The following HTT-AS variants were observed in gnomAD, a reference collection of about 807,000 sequenced individuals.
HTT-AS encodes HTT antisense RNA.
intron 2 of HTT-AS, among the ~76,000 whole-genome samples, chr4:3,051,334 G>A (rs946666755): frequency 5.3e-5 from 8 of 152,018 alleles, no homozygotes; most frequent in Admixed American, 2.0e-4. Flanking sequence ...CAAAGTGCTG[G>A]GATTATAGGT....
At chr4:3,071,050 T>G (rs1012129676) in intron 1 of HTT-AS, among the ~76,000 whole-genome samples, 1 of 152,218 alleles carries the variant, frequency 6.6e-6, no homozygotes, top group African/African-American at 2.4e-5. Context: ...GTCAGGATGA[T>G]AGTCAATTCT....
chr4:3,072,592 A>C (rs1372067953), intron 1 of HTT-AS, among the ~76,000 whole-genome samples: 1 of 152,194 alleles, frequency 6.6e-6, no homozygotes, highest in Non-Finnish European at 1.5e-5. Context: ...GACACAGTGG[A>C]CAAAGGCCCT....
chr4:3,065,240 T>G (rs566792689), intron 1 of HTT-AS, among the ~76,000 whole-genome samples: 2 of 151,312 alleles, frequency 1.3e-5, no homozygotes, highest in East Asian at 3.9e-4. Context: ...GCTAGTTTCT[T>G]TCTTCTTTTT....
chr4:3,050,122 A>C, intron 2 of HTT-AS, among the ~76,000 whole-genome samples: 1 of 152,162 alleles, frequency 6.6e-6, no homozygotes, highest in Non-Finnish European at 1.5e-5. Context: ...CAAAAGCTTT[A>C]AGGACTCAGG....
At chr4:3,060,607 C>A (rs1309613124) in intron 2 of HTT-AS, among the ~76,000 whole-genome samples, 1 of 152,200 alleles carries the variant, frequency 6.6e-6, no homozygotes, top group Non-Finnish European at 1.5e-5. Flanking sequence ...CAAGCATTTT[C>A]TTTTCTAACA....
At chr4:3,063,075 A>G (rs1029582958) in exon 2 of HTT-AS, among the ~76,000 whole-genome samples, 2 of 152,154 alleles carry the variant, frequency 1.3e-5, no homozygotes, top group African/African-American at 2.4e-5. Flanking sequence ...CGTAGCCTTC[A>G]TGACATTCAT....
chr4:3,049,662 T>C (rs553632139), exon 3 of HTT-AS, among the ~76,000 whole-genome samples: 106 of 152,254 alleles, frequency 7.0e-4, no homozygotes, highest in African/African-American at 2.4e-3. Context: ...AAGGACAGTC[T>C]TTCTCTGATG....
chr4:3,067,502 A>T (rs1346121313), intron 1 of HTT-AS, among the ~76,000 whole-genome samples: 1 of 152,194 alleles, frequency 6.6e-6, no homozygotes, highest in Admixed American at 6.5e-5. Flanking sequence ...GGTTATCAGA[A>T]GGAGGCACTT....
chr4:3,063,338 T>G, exon 2 of HTT-AS: 1 of 152,534 alleles, frequency 6.6e-6, no homozygotes, highest in East Asian at 1.9e-4. Flanking sequence ...AAAGCCTTGC[T>G]CAGGGCTGCC....
intron 1 of HTT-AS, among the ~76,000 whole-genome samples, chr4:3,065,922 A>T (rs1253159663): frequency 6.6e-6 from 1 of 152,268 alleles, no homozygotes; most frequent in Non-Finnish European, 1.5e-5. Flanking sequence ...GAACCAGCCT[A>T]AGTTTGGGAC....
intron 1 of HTT-AS, among the ~76,000 whole-genome samples, chr4:3,070,474 T>G (rs1014915406): frequency 6.6e-6 from 1 of 152,064 alleles, no homozygotes; most frequent in African/African-American, 2.4e-5. Context: ...TATTTTTAGT[T>G]GAGAGAGGGT....
chr4:3,055,244 G>T (rs1711785035), intron 2 of HTT-AS, among the ~76,000 whole-genome samples: 1 of 151,722 alleles, frequency 6.6e-6, no homozygotes. Context: ...CTTGCAGTGA[G>T]CTGTGATGGC....
intron 1 of HTT-AS, among the ~76,000 whole-genome samples, chr4:3,066,732 GC>G (rs1712064123): frequency 1.3e-5 from 2 of 152,178 alleles, no homozygotes; most frequent in African/African-American, 4.8e-5. Flanking sequence ...CAGGAGCCTG[GC>G]ATTGCAAACA....
chr4:3,060,649 T>C (rs952353335), intron 2 of HTT-AS, among the ~76,000 whole-genome samples: 2 of 152,200 alleles, frequency 1.3e-5, no homozygotes, highest in South Asian at 4.1e-4. Flanking sequence ...GCTGCAGACA[T>C]ACACAAGCAA....
intron 1 of HTT-AS, among the ~76,000 whole-genome samples, chr4:3,066,088 C>A (rs554441394): frequency 1.8e-4 from 27 of 151,086 alleles, no homozygotes; most frequent in South Asian, 2.1e-4. Context: ...AGGGTGGGAG[C>A]GCAGAGAGAG....
chr4:3,063,915 C>T (rs1161577178), intron 1 of HTT-AS, among the ~76,000 whole-genome samples: 1 of 151,946 alleles, frequency 6.6e-6, no homozygotes, highest in Non-Finnish European at 1.5e-5. Context: ...TATTGGTCTG[C>T]ACCCAGTTCC....
chr4:3,055,516 G>T (rs560044287), intron 2 of HTT-AS, among the ~76,000 whole-genome samples: 1 of 152,272 alleles, frequency 6.6e-6, no homozygotes, highest in East Asian at 1.9e-4. Flanking sequence ...TAGCAGATTT[G>T]ATTTTTGGGA....
intron 1 of HTT-AS, among the ~76,000 whole-genome samples, chr4:3,073,669 G>C (rs1360784699): frequency 6.6e-6 from 1 of 152,184 alleles, no homozygotes. Context: ...GGGACCGATG[G>C]GGGGCGCCAG....
At chr4:3,060,791 A>G (rs892635849) in intron 2 of HTT-AS, among the ~76,000 whole-genome samples, 3 of 152,222 alleles carry the variant, frequency 2.0e-5, no homozygotes, top group African/African-American at 7.2e-5. Flanking sequence ...GGAGCAGGCA[A>G]CATAGTGTCC....
Sources: allele counts gnomAD v4.1 joint callset (sites outside exome capture counted in the v4.1 genomes callset), GRCh38; gene constraint gnomAD v4.1.1; transcripts MANE v1.5; gene names NCBI Gene and HGNC (gene_info 2026-07-23, HGNC 2026-07-21).